USP10: variants seen among roughly 807,000 people sequenced by gnomAD.
USP10 encodes the protein ubiquitin specific peptidase 10.
In USP10, 22 loss-of-function variants were observed where a neutral mutation model predicts 84.5. The ratio of observed to expected loss-of-function variants is 0.26; its 90% CI spans 0.19 to 0.37. The LOEUF (loss-of-function observed/expected upper bound fraction) is 0.37. USP10 is among the 10% of genes least tolerant of loss of function. The pLI is 1.00. For synonymous variants in USP10, 454 were observed against 387.6 expected (o/e 1.17, Z -2.01); for missense variants, 1,019 against 998.9 (o/e 1.02, Z -0.27).
rs780451163 is a variant in USP10 at position 84,764,133 on chromosome 16, G to A, written c.1702G>A (p.Glu568Lys). 1.2e-6 allele frequency: 2 copies of A among 1,613,858 alleles called. No individual in the cohort carries two copies. Among genetic ancestry groups the A allele is most frequent in the Non-Finnish European group, 1.7e-6 (2 of 1,179,814 alleles). The change falls in exon 10 of 14, where the codon GAG becomes AAG. Residue 568 changes from glutamate (E) to lysine (K), a missense_variant. Transcript: ENST00000219473. ...GPKNHSVNEE[E>K]QEEQGEGSED... ...CAAAAACCACTCGGTCAATGAAGAA[G>A]AGCAGGAAGAACAAGGTGAAGGAAG...
chr16:84,721,758 C>T (rs1374101954), intron 1 of USP10, among the ~76,000 whole-genome samples: 1 of 152,040 alleles, frequency 6.6e-6, no homozygotes, highest in East Asian at 1.9e-4. Context: ...AGTGCAGTGG[C>T]GCGATCACAG....
At chr16:84,759,833 T>C in intron 6 of USP10, 58 bp from the exon 7 acceptor site, 1 of 1,537,314 alleles carries the variant, frequency 6.5e-7, no homozygotes, top group Non-Finnish European at 9.0e-7. Flanking sequence ...CAAAGCTCTT[T>C]AGTAAAAGTA....
chr16:84,773,825 A>C (rs1380963564), intron 12 of USP10, among the ~76,000 whole-genome samples: 1 of 152,216 alleles, frequency 6.6e-6, no homozygotes, highest in Non-Finnish European at 1.5e-5. Flanking sequence ...CTGCTCCTGC[A>C]TCTTCACTCG....
intron 3 of USP10, among the ~76,000 whole-genome samples, chr16:84,742,381 C>T (rs772164666): frequency 6.6e-6 from 1 of 152,216 alleles, no homozygotes; most frequent in South Asian, 2.1e-4. Flanking sequence ...TCTCCCCTCC[C>T]TCCATGTTTT....
chr16:84,772,503 G>A (rs747995261), intron 11 of USP10, 38 bp from the exon 12 acceptor site: 2 of 1,611,090 alleles, frequency 1.2e-6, no homozygotes. Flanking sequence ...TTGCAAGTAA[G>A]ACAGGGACGG....
At chr16:84,709,409 C>G (rs1000013148) in intron 1 of USP10, 1 of 152,274 alleles carries the variant, frequency 6.6e-6, no homozygotes, top group Admixed American at 6.5e-5. Context: ...AGGGGAGGGA[C>G]AGACGCACCA....
chr16:84,766,679 C>G (rs1391825893), intron 10 of USP10, among the ~76,000 whole-genome samples: 2 of 152,268 alleles, frequency 1.3e-5, no homozygotes, highest in African/African-American at 2.4e-5. Flanking sequence ...GTGGAAAATA[C>G]CAGCGTCCAT....
At chr16:84,761,296 C>T (rs1300890953) in intron 8 of USP10, among the ~76,000 whole-genome samples, 1 of 152,166 alleles carries the variant, frequency 6.6e-6, no homozygotes, top group Non-Finnish European at 1.5e-5. Flanking sequence ...TTGGATCGTG[C>T]ACAGAGATAA....
At chr16:84,741,555 T>A (rs1453969137) in intron 3 of USP10, among the ~76,000 whole-genome samples, 1 of 152,116 alleles carries the variant, frequency 6.6e-6, no homozygotes, top group Non-Finnish European at 1.5e-5. Flanking sequence ...CACCACCAGC[T>A]CCCCCAGCCT....
intron 3 of USP10, among the ~76,000 whole-genome samples, chr16:84,743,661 A>G (rs1231666272): frequency 6.6e-6 from 1 of 152,222 alleles, no homozygotes; most frequent in Non-Finnish European, 1.5e-5. Flanking sequence ...GTAACTTTTT[A>G]TCAAATATAA....
intron 4 of USP10, among the ~76,000 whole-genome samples, chr16:84,747,850 G>C (rs995962583): frequency 1.3e-5 from 2 of 151,802 alleles, no homozygotes; most frequent in African/African-American, 4.8e-5. Flanking sequence ...TCCAGGTGTG[G>C]GCCACCGCAC....
intron 1 of USP10, among the ~76,000 whole-genome samples, chr16:84,731,797 G>A (rs751487860): frequency 6.6e-6 from 1 of 151,008 alleles, no homozygotes; most frequent in Non-Finnish European, 1.5e-5. Context: ...GTGATAGTCT[G>A]TGCTAATTTT....
rs1336570811 is a variant in USP10 at position 84,779,387 on chromosome 16, A to T, written c.*305A>T. Reference sequence around the variant, plus strand: ...GAAAGTGGATTTGATCCCCAGTCTCATTGCTTAGTAGAATAAATCCTGCAC... The same window carrying T: ...GAAAGTGGATTTGATCCCCAGTCTCTTTGCTTAGTAGAATAAATCCTGCAC... On this transcript the variant is annotated 3_prime_UTR_variant, in exon 14 of 14. Coordinates refer to ENST00000219473, the MANE Select transcript of USP10 (RefSeq NM_005153.3). 4.5e-6 allele frequency: 1 copy of T among 219,986 alleles called. No homozygotes were observed. Among genetic ancestry groups the T allele is most frequent in the East Asian group, 1.0e-4 (1 of 9,698 alleles). The allele number at this position is 219,986 out of a possible 1,614,324, so 13.6% of individuals were successfully genotyped here.
At chr16:84,751,150 G>T (rs960492358) in intron 4 of USP10, among the ~76,000 whole-genome samples, 1 of 152,184 alleles carries the variant, frequency 6.6e-6, no homozygotes, top group Non-Finnish European at 1.5e-5. Context: ...AGTTGCCTAC[G>T]GTATTCAGTA....
At chr16:84,758,921 A>C in intron 5 of USP10, 114 bp downstream of exon 5, 1 of 769,720 alleles carries the variant, frequency 1.3e-6, no homozygotes, top group Non-Finnish European at 2.3e-6. Flanking sequence ...TTGAATCCCT[A>C]AGTCTGGTTT....
intron 4 of USP10, among the ~76,000 whole-genome samples, chr16:84,755,630 T>C (rs1257119107): frequency 6.6e-6 from 1 of 151,902 alleles, no homozygotes; most frequent in Non-Finnish European, 1.5e-5. Flanking sequence ...AGCAAGATCC[T>C]GTCTTTAAAA....
rs761609673 is a variant in USP10 at position 84,700,105 on chromosome 16, C to G, written c.15C>G (p.Ser5Arg). The part of the protein sequence containing the change: MALH[S>R]PQYIFGDFSP... The stretch of plus-strand genomic sequence containing the variant: ...AACGGGCAGCCATGGCCCTCCACAG[C>G]CCGCAGGTAGCCGCCGGTCTGCGCC... Residue 5 changes from serine (S) to arginine (R), a missense_variant, in exon 1 of 14, where the codon AGC becomes AGG. By Grantham distance (110) the Ser-to-Arg change is moderately radical (BLOSUM62 -1). Coordinates refer to ENST00000219473, the MANE Select transcript of USP10 (RefSeq NM_005153.3). The G allele has an allele frequency of 7.4e-7, 1 of 1,354,948 alleles. No individual in the cohort carries two copies. The highest frequency in any genetic ancestry group is 1.4e-5 in the South Asian group (1 of 70,222). The allele number at this position is 1,354,948 out of a possible 1,614,324, so 83.9% of individuals were successfully genotyped here.
At chr16:84,772,485 G>C in intron 11 of USP10, 56 bp from the exon 12 acceptor site, 1 of 1,606,696 alleles carries the variant, frequency 6.2e-7, no homozygotes, top group South Asian at 1.1e-5. Flanking sequence ...TGGATGTGGT[G>C]TTAGCTGTTG....
intron 1 of USP10, among the ~76,000 whole-genome samples, chr16:84,705,469 G>A (rs906790034): frequency 1.3e-5 from 2 of 151,936 alleles, no homozygotes; most frequent in African/African-American, 2.4e-5. Context: ...CTGACCTCAC[G>A]ATCCGCCCAC....
Sources: gnomAD v4.1 joint callset for allele counts (sites outside exome capture counted in the v4.1 genomes callset) on GRCh38, gnomAD v4.1.1 for gene constraint, MANE v1.5 for transcripts, NCBI Gene and HGNC (gene_info 2026-07-23, HGNC 2026-07-21) for gene names.